SOX30: variants seen among roughly 807,000 people sequenced by gnomAD.
SOX30 encodes SRY-box transcription factor 30, also known as transcription factor SOX-30.
SOX30 carries 17 observed loss-of-function variants against 58.6 expected under a neutral mutation model. The observed-to-expected ratio is 0.29, with a 90% CI of 0.20 to 0.44. The LOEUF (loss-of-function observed/expected upper bound fraction) is 0.44, where lower values mean the gene tolerates loss of function less well. SOX30 is among the 20% of genes least tolerant of loss of function. The probability of loss-of-function intolerance (pLI) is 1.00; values close to 1 mark genes in which losing one functional copy is unlikely to be tolerated. For synonymous variants in SOX30, 421 were observed against 400.2 expected (o/e 1.05, Z -0.62); for missense variants, 951 against 965.8 (o/e 0.98, Z 0.20).
Position 157,652,103 on chromosome 5 carries a change from G to A in SOX30, c.-25C>T, listed in dbSNP as rs796904034. On this transcript the variant is annotated 5_prime_UTR_variant, in exon 1 of 5. Coordinates refer to ENST00000265007, the MANE Select transcript of SOX30 (RefSeq NM_178424.2). ...TGGGGGAGGGGGACGCCCCGGCCAG[G>A]ATTGTGAGCTCAGCCGTTTGTTGGC... 1.4e-4 allele frequency: 192 copies of A among 1,392,780 alleles called. No homozygotes were observed. The Middle Eastern group carries it at 2.5e-3, about 18-fold the overall frequency. 86.3% of individuals were successfully genotyped at this position (1,392,780 alleles called of 1,614,324 possible).
In SOX30 at chr5:157,626,712, A is replaced by C. The variant is rs1758665999; in HGVS notation, c.1890T>G (p.Pro630=). ...GPHYFPSSTC[P]YSRPPFGYGN... ...CATAGCCAAAGGGAGGCCGACTGTA[A>C]GGGCATGTACTGCAGCAGAAAAACA... Residue 630 remains proline, a synonymous_variant, in exon 5 of 5, where the codon CCT becomes CCG. Transcript: ENST00000265007. The C allele has an allele frequency of 3.1e-6, 5 of 1,606,162 alleles. No individual in the cohort carries two copies. The highest frequency in any genetic ancestry group is 1.3e-5 in the African/African-American group (1 of 74,620).
intron 3 of SOX30, among the ~76,000 whole-genome samples, chr5:157,641,631 C>A (rs1759064426): frequency 6.6e-6 from 1 of 151,936 alleles, no homozygotes; most frequent in Non-Finnish European, 1.5e-5. Context: ...ATAATAATAC[C>A]AGACAAGAAA....
In SOX30 at chr5:157,630,240, T is replaced by C. The variant is rs556583500; in HGVS notation, c.1881-3519A>G. ...TTGTCCATGGTTTCCTTTAGTTCCT[T>C]GAGCATATTTAAAACAGCTGATTTA... On this transcript the variant is annotated intron_variant, in intron 4 of 4. Transcript: ENST00000265007. Among the ~76,000 whole-genome samples, 14 of 152,306 alleles carry C rather than the reference T, an allele frequency of 9.2e-5. No homozygotes were observed. In the East Asian group the frequency reaches 2.7e-3, roughly 29 times the overall value.
chr5:157,651,962 C>G lies in SOX30; in HGVS notation c.117G>C (p.Ser39=). The change falls in exon 1 of 5, where the codon TCG becomes TCC. Residue 39 remains serine (S), a synonymous_variant. Coordinates refer to ENST00000265007, the MANE Select transcript of SOX30 (RefSeq NM_178424.2). ...TGGCTGCCGCGCTCAGTGTGGGAGA[C>G]GACGGAGGGGGCTCCATGGCTGCTG... ...FWAAAMEPPP[S]SPTLSAAASA... is the part of the protein sequence containing the mutation. The G allele has an allele frequency of 2.7e-6, 4 of 1,465,792 alleles. No homozygotes were observed. The highest frequency in any genetic ancestry group is 3.6e-6 in the Non-Finnish European group (4 of 1,113,476). 90.8% of individuals were successfully genotyped at this position (1,465,792 alleles called of 1,614,324 possible). A position where few individuals can be genotyped will look rare whatever the true frequency, so the allele number is the denominator to read the frequency against.
chr5:157,664,780 G>A (rs1206769047), intron 2 of SOX30, among the ~76,000 whole-genome samples: 1 of 152,138 alleles, frequency 6.6e-6, no homozygotes, highest in Admixed American at 6.6e-5. Context: ...ATCAAAAAGT[G>A]GGTGAAGGAT....
chr5:157,645,290 A>G (rs1759161893), intron 3 of SOX30, among the ~76,000 whole-genome samples: 1 of 152,224 alleles, frequency 6.6e-6, no homozygotes, highest in Non-Finnish European at 1.5e-5. Context: ...CTCTCAGCTC[A>G]TATGGGTGGC....
Position 157,638,728 on chromosome 5 carries a change from G to T in SOX30, c.1388-6C>A. 1 of 1,580,372 alleles carries T rather than the reference G, an allele frequency of 6.3e-7. No homozygotes were observed. Among genetic ancestry groups the T allele is most frequent in the Non-Finnish European group, 8.6e-7 (1 of 1,164,566 alleles). ...GATAGCAGGTGAGGTTTCACCTTTA[G>T]AAATAAAAATAGCATAAATCAAGAA... On this transcript the variant is annotated splice_polypyrimidine_tract_variant and splice_region_variant and intron_variant, in intron 3 of 4. Coordinates refer to ENST00000265007, the MANE Select transcript of SOX30 (RefSeq NM_178424.2).
At chr5:157,669,486 T>TTTTATTTATTTATTTATTTA (rs35157596) in intron 1 of SOX30, among the ~76,000 whole-genome samples, 1 of 136,648 alleles carries the variant, frequency 7.3e-6, no homozygotes, top group Non-Finnish European at 1.6e-5. Context: ...CGCCCATCAA[T>TTTTATTTATTTATTTATTTA]TTTATTTATT....
chr5:157,632,047 TAAAAAAAAAAAA>T (rs570172679), intron 4 of SOX30, among the ~76,000 whole-genome samples: 1,522 of 56,438 alleles, frequency 0.027, 35 homozygotes, highest in South Asian at 0.13. Flanking sequence ...ACCCCGTAAC[TAAAAAAAAAAAA>T]AAAAAAAAAA....
At chr5:157,657,092 T>C (rs1008723375), upstream of SOX30, among the ~76,000 whole-genome samples, 5 of 152,182 alleles carry the variant, frequency 3.3e-5, no homozygotes, top group African/African-American at 9.6e-5. Context: ...TCATCAATAA[T>C]GCACTAATGC....
chr5:157,637,263 T>C (rs1278113675), intron 4 of SOX30, among the ~76,000 whole-genome samples: 1 of 152,188 alleles, frequency 6.6e-6, no homozygotes, highest in Non-Finnish European at 1.5e-5. Context: ...TACTTCCCTA[T>C]GAAAATGAAT....
rs1215565086 is a variant in SOX30 at position 157,638,221 on chromosome 5, T to C, written c.1880+9A>G. On this transcript the variant is annotated intron_variant, in intron 4 of 4. Coordinates refer to ENST00000265007, the MANE Select transcript of SOX30 (RefSeq NM_178424.2). ...TGTTTAGGTAAAAGGAAAAAAAATG[T>C]TAATTTACCTTGATGGGAAGTAGTG... 1.3e-6 allele frequency: 2 copies of C among 1,506,470 alleles called. No individual in the cohort carries two copies. The highest frequency in any genetic ancestry group is 1.8e-6 in the Non-Finnish European group (2 of 1,127,568). 93.3% of individuals were successfully genotyped at this position (1,506,470 alleles called of 1,614,324 possible). A position where few individuals can be genotyped will look rare whatever the true frequency, so the allele number is the denominator to read the frequency against.
chr5:157,671,358 T>C, exon 1 of SOX30: 1 of 520,856 alleles, frequency 1.9e-6, no homozygotes, highest in South Asian at 2.8e-5. Context: ...GACCCGTCCG[T>C]CTTCACAGCA....
rs918375717 is a variant in SOX30, at chr5:157,644,398, C to G, written c.1387+2239G>C. Among the ~76,000 whole-genome samples the G allele has an allele frequency of 9.2e-5, 14 of 152,328 alleles. No individual in the cohort carries two copies. The South Asian group carries it at 2.9e-3, about 32-fold the overall frequency. On this transcript the variant is annotated intron_variant, in intron 3 of 4. Transcript: ENST00000265007. Reference sequence around the variant, plus strand: ...TAGATTTGATTACTGTTGTGCATAGCTCTGAAGTGCTTCCTATAATTCTGC... The same window carrying G: ...TAGATTTGATTACTGTTGTGCATAGGTCTGAAGTGCTTCCTATAATTCTGC...
chr5:157,650,381 C>T (rs1016684947), intron 1 of SOX30, among the ~76,000 whole-genome samples: 4 of 152,050 alleles, frequency 2.6e-5, no homozygotes, highest in Admixed American at 2.6e-4. Context: ...ATTAATATGA[C>T]TTTCCAAGAT....
rs1490195432 is a variant in SOX30, at chr5:157,651,610, C to T, written c.469G>A (p.Glu157Lys). The change falls in exon 1 of 5, where the codon GAA becomes AAA. Residue 157 changes from glutamate (E) to lysine (K), a missense_variant. By Grantham distance (56) the Glu-to-Lys change is moderately conservative. This residue lies in a region of SOX30 where 363 missense variants were observed against 294.5 expected (regional missense o/e 1.23). Coordinates refer to ENST00000265007, the MANE Select transcript of SOX30 (RefSeq NM_178424.2). ...ACCCTGGAGGCTCTAGGACCGGTTT[C>T]GACGGCCCCTCGAGGCCCCACTGAC... The part of the protein sequence containing the change: ...DQSVGPRGAV[E>K]TGPRASRVVK... The T allele has an allele frequency of 8.7e-6, 14 of 1,612,938 alleles. No individual in the cohort carries two copies. The highest frequency in any genetic ancestry group is 1.1e-5 in the Non-Finnish European group (13 of 1,179,894).
At chr5:157,666,514 CA>C (rs1759675916) in intron 2 of SOX30, among the ~76,000 whole-genome samples, 1 of 150,816 alleles carries the variant, frequency 6.6e-6, no homozygotes, top group African/African-American at 2.4e-5. Flanking sequence ...CACACACACA[CA>C]CACACACACA....
At position 157,638,691 on chromosome 5, in the gene SOX30, T is replaced by C; in HGVS notation, c.1419A>G (p.Thr473=). 1 of 1,612,624 alleles carries C rather than the reference T, an allele frequency of 6.2e-7. No individual in the cohort carries two copies. Among genetic ancestry groups the C allele is most frequent in the African/African-American group, 1.3e-5 (1 of 74,970 alleles). The change falls in exon 4 of 5, where the codon ACA becomes ACG. Residue 473 remains threonine, a synonymous_variant. Transcript: ENST00000265007. ...CAGGGCTTGGGCTCTGGACTGCAGGTGTGGGCAGCTGGATAGCAGGTGAGG... is the reference window on the plus strand; with the variant it reads ...CAGGGCTTGGGCTCTGGACTGCAGGCGTGGGCAGCTGGATAGCAGGTGAGG... ...GETSPAIQLP[T]PAVQSPSPVT... is the part of the protein sequence containing the mutation.
intron 2 of SOX30, among the ~76,000 whole-genome samples, chr5:157,648,210 G>A (rs1759243566): frequency 6.6e-6 from 1 of 152,266 alleles, no homozygotes; most frequent in East Asian, 1.9e-4. Context: ...CTATCAATCA[G>A]AAGGCAGGAC....
Sources: allele counts gnomAD v4.1 joint callset (sites outside exome capture counted in the v4.1 genomes callset), GRCh38; gene constraint gnomAD v4.1.1; regional missense constraint gnomAD v4.1.1; transcripts MANE v1.5; gene names NCBI Gene and HGNC (gene_info 2026-07-23, HGNC 2026-07-21).